GALNT13: variants seen among roughly 807,000 people sequenced by gnomAD.
GALNT13 encodes UDP-GalNAc:polypeptide N-acetylgalactosaminyltransferase 13.
Under a neutral mutation model 64.2 loss-of-function variants are expected in GALNT13, and 28 were observed. That is an observed-to-expected ratio of 0.44 (90% confidence interval 0.32 to 0.60). The LOEUF (loss-of-function observed/expected upper bound fraction) is 0.60. Among genes scored for constraint, GALNT13 ranks in the 20% least tolerant of loss-of-function variants. GALNT13 has a pLI of 0.05. For missense variants in GALNT13, 577 were observed against 669.8 expected (o/e 0.86, Z 1.53); for synonymous variants, 214 against 224.6 (o/e 0.95, Z 0.42).
At chr2:153,742,261 A>C in the GALNT13 span, among the ~76,000 whole-genome samples, 1 of 152,126 alleles carries the variant, frequency 6.6e-6, no homozygotes, top group African/African-American at 2.4e-5. Flanking sequence ...TTTTACCTTC[A>C]TATAATGTCC....
At chr2:154,395,884 A>G (rs369783388) in intron 9 of GALNT13, 107 bp from the exon 10 acceptor site, 3 of 993,558 alleles carry the variant, frequency 3.0e-6, no homozygotes, top group Middle Eastern at 2.4e-4. Flanking sequence ...ATGCAATTGA[A>G]TTTGCTGGAA....
At chr2:153,374,687 A>G in the GALNT13 span, among the ~76,000 whole-genome samples, 5 of 152,092 alleles carry the variant, frequency 3.3e-5, no homozygotes, top group African/African-American at 1.2e-4. Flanking sequence ...CCAATCAGAA[A>G]TACTGGCAGG....
At chr2:153,526,400 ACTCTCTGC>A in the GALNT13 span, among the ~76,000 whole-genome samples, 1 of 151,990 alleles carries the variant, frequency 6.6e-6, no homozygotes. Context: ...AGAGAACAAG[ACTCTCTGC>A]CTGGTAATCC....
the GALNT13 span, among the ~76,000 whole-genome samples, chr2:153,644,049 A>G: frequency 7.2e-5 from 11 of 151,972 alleles, no homozygotes; most frequent in Non-Finnish European, 1.6e-4. Context: ...TGCTCAGGAG[A>G]TCTTATCAGT....
At position 154,439,882 on chromosome 2, in the gene GALNT13, G is replaced by A. The variant is rs576876092; in HGVS notation, c.1530+1156G>A. Reference sequence around the variant, plus strand: ...GGCAAACACTGAGAATTCTTCCTATGTTGTACCAGTGTGATTAAGATGCTA... The same window carrying A: ...GGCAAACACTGAGAATTCTTCCTATATTGTACCAGTGTGATTAAGATGCTA... On this transcript the variant is annotated intron_variant, in intron 12 of 12. Transcript: ENST00000392825. Among the ~76,000 whole-genome samples the A allele has an allele frequency of 1.5e-4, 23 of 152,188 alleles. No individual in the cohort carries two copies. The South Asian group carries it at 4.6e-3, about 30-fold the overall frequency.
chr2:153,247,616 A>G, the GALNT13 span, among the ~76,000 whole-genome samples: 1 of 152,178 alleles, frequency 6.6e-6, no homozygotes, highest in African/African-American at 2.4e-5. Context: ...AGAAGCTAGA[A>G]AGATCTCAGT....
At chr2:153,676,004 A>G in the GALNT13 span, among the ~76,000 whole-genome samples, 1 of 152,182 alleles carries the variant, frequency 6.6e-6, no homozygotes, top group African/African-American at 2.4e-5. Flanking sequence ...AAGAAAAGTA[A>G]CAACTACAAT....
At chr2:153,552,913 G>A in the GALNT13 span, among the ~76,000 whole-genome samples, 3 of 152,080 alleles carry the variant, frequency 2.0e-5, no homozygotes, top group African/African-American at 7.2e-5. Context: ...TAATGCTGCC[G>A]CTGATCTGAC....
the GALNT13 span, among the ~76,000 whole-genome samples, chr2:153,103,108 A>C: frequency 0.012 from 1,835 of 152,230 alleles, 26 homozygotes; most frequent in Admixed American, 0.029. Flanking sequence ...TAAGGCCTAA[A>C]TCAGATCATG....
chr2:153,995,867 C>G (rs568135976), intron 3 of GALNT13, among the ~76,000 whole-genome samples: 1 of 152,146 alleles, frequency 6.6e-6, no homozygotes, highest in Non-Finnish European at 1.5e-5. Context: ...CACTATTCAA[C>G]TCTCCACTTC....
chr2:153,952,757 C>T (rs1692285687), intron 3 of GALNT13, among the ~76,000 whole-genome samples: 1 of 142,850 alleles, frequency 7.0e-6, no homozygotes, highest in Non-Finnish European at 1.6e-5. Context: ...GCAAGAAAGC[C>T]AGTCCGAGTC....
intron 4 of GALNT13, among the ~76,000 whole-genome samples, chr2:154,168,613 T>C (rs1328817784): frequency 1.4e-5 from 2 of 143,702 alleles, no homozygotes; most frequent in Non-Finnish European, 1.5e-5. Flanking sequence ...GGCAGGCAGA[T>C]CACAAGGTCA....
chr2:153,158,037 T>C, the GALNT13 span, among the ~76,000 whole-genome samples: 2 of 152,166 alleles, frequency 1.3e-5, no homozygotes, highest in Non-Finnish European at 2.9e-5. Flanking sequence ...TCTTTTTACA[T>C]GATTGGTGAT....
chr2:154,075,827 A>G (rs1486352957), intron 3 of GALNT13, among the ~76,000 whole-genome samples: 1 of 151,680 alleles, frequency 6.6e-6, no homozygotes, highest in Admixed American at 6.6e-5. Context: ...TCATGTGATC[A>G]TAGGCTATTT....
the GALNT13 span, among the ~76,000 whole-genome samples, chr2:153,806,258 A>C: frequency 6.6e-6 from 1 of 152,104 alleles, no homozygotes; most frequent in Non-Finnish European, 1.5e-5. Flanking sequence ...TTTATGTCAG[A>C]AGGAGACAAT....
At chr2:153,223,788 G>A in the GALNT13 span, among the ~76,000 whole-genome samples, 25 of 151,630 alleles carry the variant, frequency 1.6e-4, no homozygotes, top group Non-Finnish European at 3.1e-4. Flanking sequence ...GTGAAATCCC[G>A]CCTCTACTAA....
chr2:153,954,887 C>T (rs941274441), intron 3 of GALNT13, among the ~76,000 whole-genome samples: 2 of 151,914 alleles, frequency 1.3e-5, no homozygotes, highest in South Asian at 4.1e-4. Context: ...TGCCTAGACT[C>T]CTTTTTGCCA....
intron 3 of GALNT13, among the ~76,000 whole-genome samples, chr2:154,060,749 GCTTGACCTA>G (rs1298507632): frequency 2.0e-5 from 3 of 152,052 alleles, no homozygotes; most frequent in Non-Finnish European, 4.4e-5. Flanking sequence ...CTGGAACAGA[GCTTGACCTA>G]ATGGGGCTCA....
At chr2:154,018,300 A>G (rs1403049019) in intron 3 of GALNT13, among the ~76,000 whole-genome samples, 4 of 152,234 alleles carry the variant, frequency 2.6e-5, no homozygotes, top group Non-Finnish European at 4.4e-5. Flanking sequence ...CCATAGGAGA[A>G]GGAGCCACGT....
Sources: gnomAD v4.1 joint callset for allele counts (sites outside exome capture counted in the v4.1 genomes callset) on GRCh38, gnomAD v4.1.1 for gene constraint, MANE v1.5 for transcripts, NCBI Gene and HGNC (gene_info 2026-07-23, HGNC 2026-07-21) for gene names.